CACNA1D: variants seen among roughly 807,000 people sequenced by gnomAD.
The protein encoded by CACNA1D is voltage-dependent L-type calcium channel subunit alpha-1D.
CACNA1D carries 55 observed loss-of-function variants against 257.1 expected under a neutral mutation model. The ratio of observed to expected loss-of-function variants is 0.21; its 90% CI spans 0.17 to 0.27. The LOEUF is 0.27. CACNA1D is among the 10% of genes least tolerant of loss of function. The probability of loss-of-function intolerance (pLI) is 1.00; values close to 1 mark genes in which losing one functional copy is unlikely to be tolerated. For missense variants in CACNA1D, 1,876 were observed against 2,784.0 expected (o/e 0.67, Z 7.34); for synonymous variants, 980 against 1,014.9 (o/e 0.97, Z 0.65).
chr3:53,586,200 G>A (rs1275539858), intron 3 of CACNA1D, among the ~76,000 whole-genome samples: 1 of 151,982 alleles, frequency 6.6e-6, no homozygotes, highest in Non-Finnish European at 1.5e-5. Context: ...ACAAACCCAT[G>A]GCAAGGGCAC....
chr3:53,554,982 A>G (rs1325783843), intron 3 of CACNA1D, among the ~76,000 whole-genome samples: 1 of 152,224 alleles, frequency 6.6e-6, no homozygotes, highest in Non-Finnish European at 1.5e-5. Flanking sequence ...TCAAATTTGC[A>G]TTGTGAATGA....
chr3:53,731,137 T>C lies in CACNA1D; in HGVS notation c.2397T>C (p.Ser799=). Residue 799 remains serine (S), a synonymous_variant, in exon 17 of 48, where the codon AGT becomes AGC. Transcript: ENST00000350061. ...NKPEVNQIAN[S]DNKVTIDDYR... ...CAGAAGTCAACCAGATAGCCAACAG[T>C]GACAACAAGGTATGTATTCTAAGAT... The C allele has an allele frequency of 6.2e-6, 10 of 1,606,550 alleles. No individual in the cohort carries two copies. The highest frequency in any genetic ancestry group is 8.5e-6 in the Non-Finnish European group (10 of 1,173,132).
intron 3 of CACNA1D, among the ~76,000 whole-genome samples, chr3:53,602,816 G>T (rs62251907): frequency 0.1 from 15,705 of 152,010 alleles, 857 homozygotes; most frequent in East Asian, 0.18. Context: ...CCCCTATTGA[G>T]TTGTCTGAGC....
intron 3 of CACNA1D, among the ~76,000 whole-genome samples, chr3:53,594,344 G>C (rs1401094852): frequency 2.0e-5 from 3 of 152,206 alleles, no homozygotes; most frequent in African/African-American, 7.2e-5. Context: ...CTAGAGTCAG[G>C]ATAAGCTCGA....
intron 31 of CACNA1D, 55 bp downstream of exon 31, chr3:53,770,072 C>T: frequency 7.1e-7 from 1 of 1,401,876 alleles, no homozygotes; most frequent in Non-Finnish European, 1.0e-6. Context: ...GTTTATTTGA[C>T]CATGTCGAGT....
At chr3:53,565,984 A>G (rs1559849823) in intron 3 of CACNA1D, among the ~76,000 whole-genome samples, 1 of 152,212 alleles carries the variant, frequency 6.6e-6, no homozygotes, top group Non-Finnish European at 1.5e-5. Context: ...CTTTCTCTGT[A>G]GAAAGTATTA....
chr3:53,703,174 G>T (rs2094645173), intron 9 of CACNA1D, among the ~76,000 whole-genome samples: 1 of 152,226 alleles, frequency 6.6e-6, no homozygotes, highest in Non-Finnish European at 1.5e-5. Flanking sequence ...TCACCTCAGA[G>T]TGAACAGTGT....
At chr3:53,629,820 T>C (rs940125161) in intron 3 of CACNA1D, among the ~76,000 whole-genome samples, 1 of 152,222 alleles carries the variant, frequency 6.6e-6, no homozygotes, top group Admixed American at 6.5e-5. Context: ...TGGTACTAAC[T>C]CTGCCAGTGC....
intron 8 of CACNA1D, among the ~76,000 whole-genome samples, chr3:53,684,046 A>G (rs1282356860): frequency 6.6e-6 from 1 of 152,254 alleles, no homozygotes; most frequent in African/African-American, 2.4e-5. Flanking sequence ...GGGAAAGGGC[A>G]CATTACATAC....
chr3:53,533,022 T>C (rs2091998666), intron 3 of CACNA1D, among the ~76,000 whole-genome samples: 1 of 152,190 alleles, frequency 6.6e-6, no homozygotes, highest in South Asian at 2.1e-4. Flanking sequence ...ACTGAGAATT[T>C]TGCACTTCGA....
Position 53,781,900 on chromosome 3 carries a change from G to T in CACNA1D, c.4792+233G>T. 3 of 533,590 alleles carry T rather than the reference G, an allele frequency of 5.6e-6. No individual in the cohort carries two copies. The South Asian group carries it at 7.1e-5, about 13-fold the overall frequency. The allele number at this position is 533,590 out of a possible 1,614,324, so 33.1% of individuals were successfully genotyped here. A position where few individuals can be genotyped will look rare whatever the true frequency, so the allele number is the denominator to read the frequency against. ...TGAAAAACCAAAACTCACATGGCTG[G>T]AGCAGGGATTTTCTTTTTGGTGGAG... is the stretch of plus-strand genomic sequence containing the variant. On this transcript the variant is annotated intron_variant, in intron 39 of 47. Coordinates refer to ENST00000350061, the MANE Select transcript of CACNA1D (RefSeq NM_001128840.3).
intron 3 of CACNA1D, among the ~76,000 whole-genome samples, chr3:53,545,740 T>C (rs901256609): frequency 3.3e-5 from 5 of 152,298 alleles, no homozygotes; most frequent in Admixed American, 6.5e-5. Context: ...ACCTGGACAC[T>C]TTCTTCTCCT....
intron 3 of CACNA1D, among the ~76,000 whole-genome samples, chr3:53,609,002 C>T (rs2093549231): frequency 6.6e-6 from 1 of 152,178 alleles, no homozygotes; most frequent in Non-Finnish European, 1.5e-5. Context: ...TGCCTTCTTC[C>T]TCTGCTTTCT....
In CACNA1D at chr3:53,629,994, A is replaced by G. The variant is rs182984056; in HGVS notation, c.484-20785A>G. Reference sequence around the variant, plus strand: ...GGAACTGAGGACAAAGTAAGCCCTGATGACTCTCACTGGCCTCCTGCTGCA... The same window carrying G: ...GGAACTGAGGACAAAGTAAGCCCTGGTGACTCTCACTGGCCTCCTGCTGCA... On this transcript the variant is annotated intron_variant, in intron 3 of 47. Coordinates refer to ENST00000350061, the MANE Select transcript of CACNA1D (RefSeq NM_001128840.3). Among the ~76,000 whole-genome samples the G allele has an allele frequency of 2.2e-3, 328 of 152,340 alleles. 5 individuals carry two copies. The highest frequency in any genetic ancestry group is 7.5e-3 in the African/African-American group (313 of 41,588).
chr3:53,546,269 G>A (rs935562609), intron 3 of CACNA1D, among the ~76,000 whole-genome samples: 4 of 152,180 alleles, frequency 2.6e-5, no homozygotes, highest in Non-Finnish European at 4.4e-5. Context: ...TGGGAGGGAG[G>A]TGTGGGCCCT....
Position 53,497,307 on chromosome 3 carries a change from C to T in CACNA1D, c.223C>T (p.Pro75Ser), listed in dbSNP as rs2090393083. Residue 75 changes from proline to serine, a missense_variant, in exon 2 of 48, where the codon CCA becomes TCA. By Grantham distance (74) the Pro-to-Ser change is moderately conservative. Transcript: ENST00000350061. ...CCAAACTATGAGCACCTCTGCACCC[C>T]CACCTGTAGGATCTCTCTCCCAAAG... ...AAQTMSTSAP[P>S]PVGSLSQRKR... is the part of the protein sequence containing the mutation. The T allele has an allele frequency of 6.2e-7, 1 of 1,614,120 alleles. No individual in the cohort carries two copies. The highest frequency in any genetic ancestry group is 8.5e-7 in the Non-Finnish European group (1 of 1,180,034).
intron 23 of CACNA1D, among the ~76,000 whole-genome samples, 193 bp from the exon 24 acceptor site, chr3:53,745,431 G>A (rs947906873): frequency 7.2e-5 from 11 of 151,940 alleles, no homozygotes; most frequent in South Asian, 2.1e-4. Context: ...AGTACAGATG[G>A]GGTTTCACCA....
intron 40 of CACNA1D, among the ~76,000 whole-genome samples, chr3:53,797,523 T>C (rs1445935836): frequency 6.6e-6 from 1 of 152,228 alleles, no homozygotes; most frequent in Non-Finnish European, 1.5e-5. Context: ...TTGTCATTAT[T>C]TGTCTTTGGA....
intron 17 of CACNA1D, among the ~76,000 whole-genome samples, chr3:53,731,746 A>G (rs2094994999): frequency 6.6e-6 from 1 of 152,220 alleles, no homozygotes; most frequent in African/African-American, 2.4e-5. Context: ...GTATGAGTGA[A>G]TGTGCTGGCA....
Sources: allele counts gnomAD v4.1 joint callset (sites outside exome capture counted in the v4.1 genomes callset), GRCh38; gene constraint gnomAD v4.1.1; transcripts MANE v1.5; gene names NCBI Gene and HGNC (gene_info 2026-07-23, HGNC 2026-07-21).